Variants in NLGN1 observed in about 807,000 individuals in gnomAD.
The protein encoded by NLGN1 is neuroligin 1, also known as neuroligin-1.
NLGN1 carries 12 observed loss-of-function variants against 65.5 expected under a neutral mutation model. The ratio of observed to expected loss-of-function variants is 0.18; its 90% CI spans 0.12 to 0.30. NLGN1 has a LOEUF of 0.30. Among genes scored for constraint, NLGN1 ranks in the 10% least tolerant of loss-of-function variants. The probability of loss-of-function intolerance (pLI) is 1.00; values close to 1 mark genes in which losing one functional copy is unlikely to be tolerated. For synonymous variants in NLGN1, 350 were observed against 359.5 expected (o/e 0.97, Z 0.30); for missense variants, 750 against 1,007.1 (o/e 0.74, Z 3.46).
At chr3:173,433,229 G>A (rs1345701371) in intron 1 of NLGN1, among the ~76,000 whole-genome samples, 2 of 152,158 alleles carry the variant, frequency 1.3e-5, no homozygotes, top group Admixed American at 6.5e-5. Context: ...GGGCTCTGAT[G>A]CTCCTTATTG....
intron 4 of NLGN1, among the ~76,000 whole-genome samples, chr3:173,896,124 G>A (rs901491623): frequency 2.0e-5 from 3 of 152,166 alleles, no homozygotes; most frequent in African/African-American, 7.2e-5. Context: ...GTTCCACTCA[G>A]ATTTCTGCTA....
At chr3:174,109,187 T>C (rs1714655794) in intron 4 of NLGN1, among the ~76,000 whole-genome samples, 1 of 152,018 alleles carries the variant, frequency 6.6e-6, no homozygotes, top group African/African-American at 2.4e-5. Context: ...TAATGCAATC[T>C]AAAACAAGTG....
intron 3 of NLGN1, among the ~76,000 whole-genome samples, chr3:173,802,378 A>T (rs996597574): frequency 6.6e-6 from 1 of 152,330 alleles, no homozygotes; most frequent in African/African-American, 2.4e-5. Context: ...TATTGAATCA[A>T]TAAATATTTT....
At chr3:173,656,388 C>G (rs1242942493) in intron 3 of NLGN1, among the ~76,000 whole-genome samples, 1 of 152,200 alleles carries the variant, frequency 6.6e-6, no homozygotes, top group Admixed American at 6.6e-5. Context: ...TGGTTCCTAC[C>G]TACACAGAAA....
intron 4 of NLGN1, among the ~76,000 whole-genome samples, chr3:174,262,040 G>C (rs1208294682): frequency 2.2e-5 from 3 of 135,490 alleles, no homozygotes; most frequent in African/African-American, 8.9e-5. Flanking sequence ...AAGCCCACTT[G>C]ATCATGGTGG....
In NLGN1 at chr3:173,618,109, G is replaced by A. The variant is rs562101101; in HGVS notation, c.493+13018G>A. Among the ~76,000 whole-genome samples, 16 of 152,188 alleles carry A rather than the reference G, an allele frequency of 1.1e-4. 1 individual carries two copies. The South Asian group carries it at 2.5e-3, about 24-fold the overall frequency. On this transcript the variant is annotated intron_variant, in intron 3 of 6. Transcript: ENST00000457714. ...AAATAGCTTCTCCAATGGCCTGTGTGGGGTTCTCATTCCTTATGATTTGGC... is the reference window on the plus strand; with the variant it reads ...AAATAGCTTCTCCAATGGCCTGTGTAGGGTTCTCATTCCTTATGATTTGGC...
At chr3:173,761,498 G>A (rs1277111835) in intron 3 of NLGN1, among the ~76,000 whole-genome samples, 1 of 152,032 alleles carries the variant, frequency 6.6e-6, no homozygotes, top group Non-Finnish European at 1.5e-5. Context: ...AAAACTGAAA[G>A]ATTCTGATGA....
At chr3:173,578,946 A>G (rs912599322) in intron 2 of NLGN1, among the ~76,000 whole-genome samples, 1 of 152,242 alleles carries the variant, frequency 6.6e-6, no homozygotes, top group Non-Finnish European at 1.5e-5. Context: ...AATTAAATAA[A>G]TGTATAAATT....
intron 4 of NLGN1, among the ~76,000 whole-genome samples, chr3:174,070,700 G>A (rs1739649269): frequency 6.6e-6 from 1 of 152,130 alleles, no homozygotes; most frequent in South Asian, 2.1e-4. Flanking sequence ...ATTTTTATGA[G>A]AATGTCAGGG....
chr3:173,726,809 CTTTT>C (rs5854530), intron 3 of NLGN1, among the ~76,000 whole-genome samples: 75,178 of 151,350 alleles, frequency 0.5, 19,935 homozygotes, highest in East Asian at 0.74. Context: ...TACTTTATTG[CTTTT>C]TTATTACCTG....
intron 4 of NLGN1, among the ~76,000 whole-genome samples, chr3:173,917,038 C>A (rs567756537): frequency 6.6e-6 from 1 of 152,158 alleles, no homozygotes; most frequent in East Asian, 1.9e-4. Flanking sequence ...GTGAGAATAA[C>A]ATAGAAAGGG....
chr3:173,808,172 G>A lies in NLGN1; in HGVS notation c.646+340G>A, dbSNP rs546261355. ...TTACAATACTCTAAGTTTCCCTGAGGTTTGGCGTGAGCTAAGACTAAGTTT... is the reference window on the plus strand; with the variant it reads ...TTACAATACTCTAAGTTTCCCTGAGATTTGGCGTGAGCTAAGACTAAGTTT... On this transcript the variant is annotated intron_variant, in intron 4 of 6. Transcript: ENST00000457714. 2.0e-5 allele frequency among the ~76,000 whole-genome samples: 3 copies of A among 152,172 alleles called. No homozygotes were observed. In the South Asian group the frequency reaches 6.2e-4, roughly 32 times the overall value.
At chr3:174,174,320 T>A (rs1383151829) in intron 4 of NLGN1, among the ~76,000 whole-genome samples, 1 of 152,042 alleles carries the variant, frequency 6.6e-6, no homozygotes, top group Non-Finnish European at 1.5e-5. Context: ...ATGACTCTCT[T>A]CCTCTGGGTA....
chr3:173,857,427 G>T (rs1467142192), intron 4 of NLGN1, among the ~76,000 whole-genome samples: 2 of 151,980 alleles, frequency 1.3e-5, no homozygotes, highest in African/African-American at 2.4e-5. Flanking sequence ...TACCTTTGAG[G>T]TGTTATCACT....
chr3:174,037,259 A>G (rs542587501), intron 4 of NLGN1, among the ~76,000 whole-genome samples: 1 of 152,290 alleles, frequency 6.6e-6, no homozygotes, highest in East Asian at 1.9e-4. Context: ...CCTCATCAGC[A>G]TCTGTTATTT....
Position 173,942,411 on chromosome 3 carries a change from C to T in NLGN1, c.646+134579C>T, listed in dbSNP as rs9835429. 1.5e-3 allele frequency among the ~76,000 whole-genome samples: 226 copies of T among 151,710 alleles called. 1 individual carries two copies. The highest frequency in any genetic ancestry group is 2.5e-3 in the Non-Finnish European group (172 of 67,914). ...AAACTTGCAGTGTATCATTCAGTGACGACTGACCTAGTAGCCATTATAGGA... is the reference window on the plus strand; with the variant it reads ...AAACTTGCAGTGTATCATTCAGTGATGACTGACCTAGTAGCCATTATAGGA... On this transcript the variant is annotated intron_variant, in intron 4 of 6. Transcript: ENST00000457714.
chr3:174,190,337 G>A (rs188678254), intron 4 of NLGN1, among the ~76,000 whole-genome samples: 5 of 151,876 alleles, frequency 3.3e-5, no homozygotes, highest in Admixed American at 6.6e-5. Context: ...CCATTCTATC[G>A]CAAAACAGTT....
intron 3 of NLGN1, among the ~76,000 whole-genome samples, chr3:173,672,879 A>G (rs1762637086): frequency 6.6e-6 from 1 of 152,202 alleles, no homozygotes. Flanking sequence ...ACATTACTCA[A>G]AAATTAGGGA....
At chr3:173,814,835 A>G (rs765576087) in intron 4 of NLGN1, among the ~76,000 whole-genome samples, 4 of 151,144 alleles carry the variant, frequency 2.6e-5, no homozygotes, top group Non-Finnish European at 5.9e-5. Context: ...TAGTTTACAT[A>G]GATAACGATT....
Sources: gnomAD v4.1 joint callset for allele counts (sites outside exome capture counted in the v4.1 genomes callset) on GRCh38, gnomAD v4.1.1 for gene constraint, MANE v1.5 for transcripts, NCBI Gene and HGNC (gene_info 2026-07-23, HGNC 2026-07-21) for gene names.